The following PDZD9 variants were observed in gnomAD, a reference collection of about 807,000 sequenced individuals.
PDZD9 encodes PDZ domain containing 9.
In PDZD9, 13 loss-of-function variants were observed where a neutral mutation model predicts 16.3. That is an observed-to-expected ratio of 0.80 (90% CI 0.52 to 1.27). The LOEUF is 1.27. Ranked by LOEUF, PDZD9 falls within the 50% of genes most tolerant of loss-of-function variation. The probability of loss-of-function intolerance (pLI) is 0.00; values close to 1 mark genes in which losing one functional copy is unlikely to be tolerated. For synonymous variants in PDZD9, 120 were observed against 111.0 expected (o/e 1.08, Z -0.51); for missense variants, 288 against 310.9 (o/e 0.93, Z 0.55).
chr16:21,966,318 G>A, the PDZD9 span, among the ~76,000 whole-genome samples: 4 of 151,924 alleles, frequency 2.6e-5, no homozygotes, highest in Admixed American at 6.6e-5. Context: ...ACCAGCCTCC[G>A]TTTGCTGGCT....
At chr16:21,962,676 C>T in the PDZD9 span, 5 of 1,599,178 alleles carry the variant, frequency 3.1e-6, no homozygotes, top group Non-Finnish European at 4.3e-6. Flanking sequence ...TAAAGTTTCA[C>T]ATTGAGAGCA....
At chr16:21,961,347 C>CA in the PDZD9 span, 1 of 446,904 alleles carries the variant, frequency 2.2e-6, no homozygotes, top group South Asian at 1.6e-5. Context: ...TAAAGTATGA[C>CA]AGAGTCATGA....
chr16:21,968,612 T>C, the PDZD9 span: 8 of 1,595,248 alleles, frequency 5.0e-6, no homozygotes, highest in Admixed American at 8.9e-5. Context: ...CTAATAAGTG[T>C]TTTTAACTTC....
chr16:21,960,380 C>G, the PDZD9 span, among the ~76,000 whole-genome samples: 3 of 152,226 alleles, frequency 2.0e-5, no homozygotes, highest in African/African-American at 7.2e-5. Context: ...CTCTCTCAGC[C>G]TTCATATAAT....
chr16:21,993,054 G>C (rs537342821), intron 2 of PDZD9, among the ~76,000 whole-genome samples: 1 of 152,054 alleles, frequency 6.6e-6, no homozygotes, highest in East Asian at 1.9e-4. Flanking sequence ...CACTATGATT[G>C]TAAGTTTCCT....
chr16:21,990,936 A>G (rs1053392902), intron 2 of PDZD9, among the ~76,000 whole-genome samples: 1 of 151,772 alleles, frequency 6.6e-6, no homozygotes, highest in Non-Finnish European at 1.5e-5. Flanking sequence ...ACCTCATTAC[A>G]CCTTTTTTTT....
the PDZD9 span, among the ~76,000 whole-genome samples, chr16:21,963,492 C>G: frequency 6.6e-6 from 1 of 151,030 alleles, no homozygotes; most frequent in African/African-American, 2.4e-5. Flanking sequence ...GTTTTTGAGA[C>G]AGGGTGTTGC....
chr16:21,971,779 G>A, the PDZD9 span: 1 of 1,339,032 alleles, frequency 7.5e-7, no homozygotes, highest in Admixed American at 1.9e-5. Context: ...TTTTGTGTGT[G>A]TTTGGGGACA....
intron 2 of PDZD9, chr16:21,995,225 A>G (rs1378879610): frequency 6.5e-6 from 3 of 458,436 alleles, no homozygotes; most frequent in Non-Finnish European, 1.3e-5. Context: ...CGCTCCAACC[A>G]TGTAAGACAT....
rs1898823937 is a variant in PDZD9, at chr16:21,984,502, T to C, written c.560A>G (p.His187Arg). ...RRPISISRDW[H>R]GYKKKNHTIS... ...AGTATGGTTCTTCTTCTTATATCCA[T>C]GCCAGTCTCTGGAGATGGATATTGG... Residue 187 changes from histidine to arginine, a missense_variant, in exon 4 of 4, where the codon CAT becomes CGT. Physicochemically the swap from His to Arg is conservative, Grantham distance 29. Transcript: ENST00000424898. 1.2e-6 allele frequency: 2 copies of C among 1,609,158 alleles called. No homozygotes were observed. The highest frequency in any genetic ancestry group is 8.5e-7 in the Non-Finnish European group (1 of 1,175,870).
At chr16:21,968,569 T>C in the PDZD9 span, 1 of 1,472,654 alleles carries the variant, frequency 6.8e-7, no homozygotes. Context: ...ACTTTTATGT[T>C]TTTACAGCTT....
the PDZD9 span, among the ~76,000 whole-genome samples, chr16:21,961,953 C>A: frequency 6.6e-6 from 1 of 151,814 alleles, no homozygotes; most frequent in Non-Finnish European, 1.5e-5. Context: ...GCGCCCGGCC[C>A]AAATTTATCA....
At chr16:21,958,558 C>T in the PDZD9 span, 7 of 1,612,298 alleles carry the variant, frequency 4.3e-6, no homozygotes, top group Admixed American at 1.2e-4. Context: ...CTTCATCTTT[C>T]AAGATAACCC....
At chr16:21,977,019 G>A in the PDZD9 span, 4 of 151,968 alleles carry the variant, frequency 2.6e-5, no homozygotes, top group South Asian at 4.2e-4. Flanking sequence ...TAAACATAAC[G>A]AAAGACTCCA....
intron 2 of PDZD9, among the ~76,000 whole-genome samples, chr16:21,992,730 T>C (rs913015862): frequency 2.0e-5 from 3 of 152,196 alleles, no homozygotes; most frequent in Non-Finnish European, 4.4e-5. Context: ...GGCTACACTG[T>C]CGGCTTCCCA....
At chr16:21,996,994 T>G (rs1340161604) in intron 1 of PDZD9, among the ~76,000 whole-genome samples, 1 of 152,094 alleles carries the variant, frequency 6.6e-6, no homozygotes, top group Non-Finnish European at 1.5e-5. Flanking sequence ...GGCTAATTTT[T>G]ATTGTTTTTG....
the PDZD9 span, among the ~76,000 whole-genome samples, chr16:21,967,432 C>G: frequency 1.3e-5 from 2 of 151,862 alleles, no homozygotes; most frequent in Non-Finnish European, 2.9e-5. Flanking sequence ...ACATAGAAGT[C>G]GTAAGTTTTT....
chr16:21,965,399 A>G, the PDZD9 span: 2 of 1,613,306 alleles, frequency 1.2e-6, no homozygotes, highest in Non-Finnish European at 1.7e-6. Flanking sequence ...TTCTTCACTT[A>G]TCTCACAGAT....
downstream of PDZD9, among the ~76,000 whole-genome samples, chr16:21,979,728 A>G (rs1168101601): frequency 1.3e-5 from 2 of 152,150 alleles, no homozygotes; most frequent in Non-Finnish European, 2.9e-5. Context: ...GTAGATACTA[A>G]ACACTGTAAA....
Sources: gnomAD v4.1 joint callset for allele counts (sites outside exome capture counted in the v4.1 genomes callset) on GRCh38, gnomAD v4.1.1 for gene constraint, MANE v1.5 for transcripts, NCBI Gene and HGNC (gene_info 2026-07-23, HGNC 2026-07-21) for gene names.